TAFA1: variants seen among roughly 807,000 people sequenced by gnomAD.
TAFA1 encodes the protein TAFA chemokine like family member 1.
In TAFA1, 4 loss-of-function variants were observed where a neutral mutation model predicts 18.5. The ratio of observed to expected loss-of-function variants is 0.22; its 90% CI spans 0.11 to 0.49. The LOEUF is 0.49. TAFA1 is among the 20% of genes least tolerant of loss of function. The probability of loss-of-function intolerance (pLI) is 0.98; values close to 1 mark genes in which losing one functional copy is unlikely to be tolerated. For synonymous variants in TAFA1, 56 were observed against 55.2 expected, an observed-to-expected ratio of 1.01 and a Z score of -0.06; for missense variants, 147 against 169.0, an observed-to-expected ratio of 0.87 and a Z score of 0.72.
rs74976189 is a variant in TAFA1 at position 68,515,526 on chromosome 3, A to G, written c.260-23230A>G. Among the ~76,000 whole-genome samples, 395 of 152,316 alleles carry G rather than the reference A, an allele frequency of 2.6e-3. 8 individuals are homozygous for G. In the East Asian group the frequency reaches 0.042, roughly 16 times the overall value. ...GAGAGTAGCTCCCCAAAGGAAAATT[A>G]AAGTATTGTTCCCAGAAGAGAAGGG... On this transcript the variant is annotated intron_variant, in intron 3 of 4. Coordinates refer to ENST00000478136, the MANE Select transcript of TAFA1 (RefSeq NM_213609.4).
intron 2 of TAFA1, among the ~76,000 whole-genome samples, chr3:68,192,180 G>A (rs78691337): frequency 6.6e-6 from 1 of 151,796 alleles, no homozygotes; most frequent in African/African-American, 2.4e-5. Flanking sequence ...GTAAGGGACC[G>A]AGTGATACAG....
upstream of TAFA1, among the ~76,000 whole-genome samples, chr3:68,002,245 C>T (rs902065504): frequency 6.6e-6 from 1 of 152,188 alleles, no homozygotes; most frequent in African/African-American, 2.4e-5. Flanking sequence ...AAAAATAGAA[C>T]TATGCTAATA....
chr3:68,418,225 G>T (rs1391293161), intron 3 of TAFA1, among the ~76,000 whole-genome samples: 1 of 152,074 alleles, frequency 6.6e-6, no homozygotes. Context: ...CAGGTGGGCC[G>T]AGTCCCAAAA....
At chr3:68,463,157 G>C (rs1305086919) in intron 3 of TAFA1, among the ~76,000 whole-genome samples, 1 of 152,094 alleles carries the variant, frequency 6.6e-6, no homozygotes, top group East Asian at 1.9e-4. Flanking sequence ...GATGGTGGGG[G>C]CATAGATTTC....
At chr3:68,175,362 G>A (rs2066110133) in intron 2 of TAFA1, among the ~76,000 whole-genome samples, 1 of 152,206 alleles carries the variant, frequency 6.6e-6, no homozygotes, top group African/African-American at 2.4e-5. Context: ...ACCTGGAAAA[G>A]CCTCAGACAC....
chr3:68,044,199 T>A (rs1170502256), intron 2 of TAFA1, among the ~76,000 whole-genome samples: 3 of 152,212 alleles, frequency 2.0e-5, no homozygotes, highest in African/African-American at 7.2e-5. Context: ...TCTTAAAGGA[T>A]TATGAACTTC....
intron 2 of TAFA1, among the ~76,000 whole-genome samples, chr3:68,126,257 C>A (rs1240078364): frequency 2.0e-5 from 3 of 152,190 alleles, no homozygotes; most frequent in Admixed American, 6.5e-5. Flanking sequence ...CATCTGGCCA[C>A]CCGTAAGCAT....
intron 2 of TAFA1, among the ~76,000 whole-genome samples, chr3:68,135,032 T>C (rs955131526): frequency 5.3e-5 from 8 of 152,210 alleles, no homozygotes; most frequent in Admixed American, 6.5e-5. Flanking sequence ...TTTGTGATTA[T>C]GACTTATTGC....
intron 2 of TAFA1, among the ~76,000 whole-genome samples, chr3:68,411,441 A>G (rs1462516002): frequency 6.6e-6 from 1 of 152,194 alleles, no homozygotes; most frequent in African/African-American, 2.4e-5. Context: ...CTACCCATCT[A>G]AATGTAATGT....
intron 2 of TAFA1, among the ~76,000 whole-genome samples, chr3:68,348,452 A>T (rs1203994780): frequency 6.6e-6 from 1 of 152,118 alleles, no homozygotes; most frequent in South Asian, 2.1e-4. Flanking sequence ...AAAAGAGCTT[A>T]TTTCGTCTTA....
intron 3 of TAFA1, among the ~76,000 whole-genome samples, chr3:68,485,748 T>C (rs13080937): frequency 0.2 from 29,897 of 152,166 alleles, 3,077 homozygotes; most frequent in African/African-American, 0.23. Context: ...ACCACTGATT[T>C]GCACCTTGAA....
At chr3:68,352,915 G>C (rs990111375) in intron 2 of TAFA1, among the ~76,000 whole-genome samples, 5 of 152,020 alleles carry the variant, frequency 3.3e-5, no homozygotes, top group African/African-American at 1.2e-4. Flanking sequence ...GACCTTCCCA[G>C]GGTATAGGGC....
At chr3:68,036,186 A>T (rs1392374706) in intron 2 of TAFA1, among the ~76,000 whole-genome samples, 1 of 152,190 alleles carries the variant, frequency 6.6e-6, no homozygotes, top group Non-Finnish European at 1.5e-5. Context: ...CACTCCAGTA[A>T]TTCTAGCACT....
chr3:68,454,945 A>G (rs1359264032), intron 3 of TAFA1, among the ~76,000 whole-genome samples: 1 of 152,126 alleles, frequency 6.6e-6, no homozygotes, highest in African/African-American at 2.4e-5. Flanking sequence ...TCAAAAATCC[A>G]TCTATAACTT....
intron 2 of TAFA1, among the ~76,000 whole-genome samples, chr3:68,334,523 C>A (rs1182493077): frequency 6.6e-6 from 1 of 152,132 alleles, no homozygotes; most frequent in Non-Finnish European, 1.5e-5. Flanking sequence ...CTCAGTGTGT[C>A]TCAATCTTAA....
intron 2 of TAFA1, among the ~76,000 whole-genome samples, chr3:68,389,221 C>T (rs7647015): frequency 0.057 from 8,736 of 152,120 alleles, 314 homozygotes; most frequent in East Asian, 0.14. Flanking sequence ...TACAAATGAT[C>T]GCATGTCAAC....
At chr3:68,230,782 T>A (rs2066861824) in intron 2 of TAFA1, among the ~76,000 whole-genome samples, 1 of 152,238 alleles carries the variant, frequency 6.6e-6, no homozygotes, top group Admixed American at 6.5e-5. Context: ...TGTCAGCATC[T>A]GTTATTTATT....
intron 2 of TAFA1, among the ~76,000 whole-genome samples, chr3:68,154,955 A>G (rs998340274): frequency 1.3e-5 from 2 of 152,224 alleles, no homozygotes; most frequent in African/African-American, 4.8e-5. Flanking sequence ...AAATTTTGCC[A>G]TAAATAAAAG....
At chr3:68,025,621 T>A (rs1416021479) in intron 2 of TAFA1, among the ~76,000 whole-genome samples, 2 of 152,162 alleles carry the variant, frequency 1.3e-5, no homozygotes, top group Non-Finnish European at 2.9e-5. Flanking sequence ...CACTCTTCTT[T>A]GCTCACTCTC....
Sources: allele counts gnomAD v4.1 joint callset (sites outside exome capture counted in the v4.1 genomes callset), GRCh38; gene constraint gnomAD v4.1.1; transcripts MANE v1.5; gene names NCBI Gene and HGNC (gene_info 2026-07-23, HGNC 2026-07-21).